The following DLG1 variants were observed in gnomAD, a reference collection of about 807,000 sequenced individuals.
DLG1 encodes the protein disks large homolog 1.
In DLG1, 42 loss-of-function variants were observed where a neutral mutation model predicts 123.4. That is an observed-to-expected ratio of 0.34 (90% CI 0.27 to 0.44). The LOEUF (loss-of-function observed/expected upper bound fraction) is 0.44. Among genes scored for constraint, DLG1 ranks in the 20% least tolerant of loss-of-function variants. The pLI is 1.00. For synonymous variants in DLG1, 317 were observed against 356.2 expected, an observed-to-expected ratio of 0.89 and a Z score of 1.24; for missense variants, 942 against 1,082.6, an observed-to-expected ratio of 0.87 and a Z score of 1.82.
intron 5 of DLG1, among the ~76,000 whole-genome samples, chr3:197,192,382 A>G (rs947226181): frequency 2.6e-5 from 4 of 152,180 alleles, no homozygotes; most frequent in African/African-American, 9.7e-5. Context: ...ACTACTAGAA[A>G]AGAAGGCTGG....
intron 13 of DLG1, among the ~76,000 whole-genome samples, chr3:197,113,440 T>C (rs1771225554): frequency 6.6e-6 from 1 of 152,198 alleles, no homozygotes; most frequent in Non-Finnish European, 1.5e-5. Flanking sequence ...ATTTTGAAAG[T>C]ATTACTAGGT....
At chr3:197,151,676 C>T (rs547081313) in intron 5 of DLG1, among the ~76,000 whole-genome samples, 1 of 152,176 alleles carries the variant, frequency 6.6e-6, no homozygotes, top group South Asian at 2.1e-4. Flanking sequence ...TCACTTTGAG[C>T]CAAGTACTCA....
rs116926466 is a variant in DLG1, at chr3:197,143,028, C to T, written c.538-260G>A. Among the ~76,000 whole-genome samples the T allele has an allele frequency of 2.6e-5, 4 of 152,196 alleles. No homozygotes were observed. The East Asian group carries it at 5.8e-4, about 22-fold the overall frequency. ...TTCAGCTTTTAATAGTTTCAACCTC[C>T]GATCCTTCTCTGTCTTGATCCACAC... On this transcript the variant is annotated intron_variant, in intron 6 of 24. Transcript: ENST00000667157.
intron 3 of DLG1, among the ~76,000 whole-genome samples, chr3:197,287,384 A>C (rs1316710114): frequency 6.6e-6 from 1 of 152,248 alleles, no homozygotes; most frequent in East Asian, 1.9e-4. Flanking sequence ...ATTTGAATAC[A>C]GGTTTTTACA....
At chr3:197,242,623 A>G (rs1472093198) in intron 4 of DLG1, among the ~76,000 whole-genome samples, 5 of 152,144 alleles carry the variant, frequency 3.3e-5, no homozygotes, top group Non-Finnish European at 7.3e-5. Flanking sequence ...ATACATATCA[A>G]TAAAAAGAAC....
chr3:197,165,944 C>T (rs1358281101), intron 5 of DLG1, among the ~76,000 whole-genome samples: 1 of 152,140 alleles, frequency 6.6e-6, no homozygotes, highest in Non-Finnish European at 1.5e-5. Context: ...AACCTTGGTG[C>T]AGATGACCTC....
intron 1 of DLG1, chr3:197,298,313 C>T (rs1778517606): frequency 5.1e-6 from 2 of 392,920 alleles, no homozygotes; most frequent in Non-Finnish European, 9.0e-6. Context: ...CTAAGGGAAC[C>T]TCTTCGCTTA....
intron 4 of DLG1, among the ~76,000 whole-genome samples, chr3:197,263,049 CTAAA>C (rs60190410): frequency 0.28 from 42,943 of 151,786 alleles, 7,321 homozygotes; most frequent in East Asian, 0.7. Flanking sequence ...TCATAACTCC[CTAAA>C]TAAAGTTTAT....
At chr3:197,227,299 CCT>C (rs757349768) in intron 4 of DLG1, among the ~76,000 whole-genome samples, 4 of 151,816 alleles carry the variant, frequency 2.6e-5, no homozygotes, top group Non-Finnish European at 5.9e-5. Context: ...ATGGTGAAAC[CCT>C]GTCTCTAGTA....
chr3:197,070,919 TCAC>T (rs1306100129), intron 18 of DLG1: 1 of 152,138 alleles, frequency 6.6e-6, no homozygotes, highest in Non-Finnish European at 1.5e-5. Flanking sequence ...TCTTTCCATG[TCAC>T]CACATGGGCT....
intron 4 of DLG1, among the ~76,000 whole-genome samples, chr3:197,270,778 G>A (rs1579087215): frequency 1.3e-5 from 2 of 152,094 alleles, no homozygotes; most frequent in East Asian, 3.8e-4. Flanking sequence ...CTGATATTGT[G>A]AGCCTCCTGA....
intron 4 of DLG1, among the ~76,000 whole-genome samples, chr3:197,200,182 A>C (rs939352104): frequency 3.9e-5 from 6 of 152,188 alleles, no homozygotes; most frequent in Admixed American, 3.3e-4. Flanking sequence ...AAAATCCAAA[A>C]TAACTAAAAT....
At chr3:197,058,336 A>G (rs759740393) in intron 23 of DLG1, among the ~76,000 whole-genome samples, 5 of 152,182 alleles carry the variant, frequency 3.3e-5, no homozygotes, top group Non-Finnish European at 7.3e-5. Flanking sequence ...TTTGATTTTC[A>G]ACATTCTTTC....
intron 5 of DLG1, among the ~76,000 whole-genome samples, chr3:197,170,914 C>T (rs1026369394): frequency 5.9e-5 from 9 of 152,100 alleles, no homozygotes; most frequent in Admixed American, 5.2e-4. Flanking sequence ...TTTGTATGCA[C>T]ACTTCCATAT....
intron 9 of DLG1, 69 bp downstream of exon 9, chr3:197,138,153 A>G (rs1786051788): frequency 4.2e-6 from 4 of 947,836 alleles, no homozygotes; most frequent in Non-Finnish European, 2.9e-6. Context: ...TATGTCACAG[A>G]TAAAGTTCAT....
chr3:197,116,231 TAAAG>T (rs1393799245), intron 12 of DLG1, 148 bp from the exon 13 acceptor site: 28 of 621,628 alleles, frequency 4.5e-5, no homozygotes, highest in South Asian at 2.4e-4. Flanking sequence ...AACTACGAGA[TAAAG>T]AGATTCTAAG....
At chr3:197,289,621 T>C (rs1773840179) in intron 3 of DLG1, among the ~76,000 whole-genome samples, 1 of 152,238 alleles carries the variant, frequency 6.6e-6, no homozygotes, top group Admixed American at 6.5e-5. Flanking sequence ...CAAGTATGAT[T>C]ATTCAGACAA....
At chr3:197,123,045 A>G (rs1318068822) in intron 11 of DLG1, among the ~76,000 whole-genome samples, 1 of 152,170 alleles carries the variant, frequency 6.6e-6, no homozygotes, top group East Asian at 1.9e-4. Flanking sequence ...CTTAAAAGAA[A>G]AGCACCAATG....
Position 197,239,409 on chromosome 3 carries a change from A to T in DLG1, c.318+43270T>A, listed in dbSNP as rs1016471218. 5.9e-5 allele frequency among the ~76,000 whole-genome samples: 9 copies of T among 152,178 alleles called. No homozygotes were observed. The East Asian group carries it at 1.7e-3, about 29-fold the overall frequency. On this transcript the variant is annotated intron_variant, in intron 4 of 24. Coordinates refer to ENST00000667157, the MANE Select transcript of DLG1 (RefSeq NM_001366207.1). ...TCTGCCAACCATTTAAAGAAAAATTAATGCCAATCCTTCTCAAACTTTTCC... is the reference window on the plus strand; with the variant it reads ...TCTGCCAACCATTTAAAGAAAAATTTATGCCAATCCTTCTCAAACTTTTCC...
Sources: gnomAD v4.1 joint callset for allele counts (sites outside exome capture counted in the v4.1 genomes callset) on GRCh38, gnomAD v4.1.1 for gene constraint, MANE v1.5 for transcripts, NCBI Gene and HGNC (gene_info 2026-07-23, HGNC 2026-07-21) for gene names.